GRM7: variants seen among roughly 807,000 people sequenced by gnomAD.
GRM7 encodes glutamate metabotropic receptor 7, also known as metabotropic glutamate receptor 7.
In GRM7, 35 loss-of-function variants were observed where a neutral mutation model predicts 84.5. That is an observed-to-expected ratio of 0.41 (90% CI 0.32 to 0.55). The LOEUF (loss-of-function observed/expected upper bound fraction) is 0.55, where lower values mean the gene tolerates loss of function less well. Ranked by LOEUF, GRM7 falls within the 20% of genes least tolerant of loss-of-function variation. GRM7 has a pLI of 0.19. For missense variants in GRM7, 1,003 were observed against 1,194.6 expected (o/e 0.84, Z 2.36); for synonymous variants, 487 against 455.1 (o/e 1.07, Z -0.89).
chr3:7,126,500 C>T (rs1257858446), intron 1 of GRM7, among the ~76,000 whole-genome samples: 1 of 152,088 alleles, frequency 6.6e-6, no homozygotes, highest in South Asian at 2.1e-4. Flanking sequence ...GAGTATGAAC[C>T]GGTGGTTGAA....
At chr3:7,001,965 G>T (rs1223714091) in intron 1 of GRM7, among the ~76,000 whole-genome samples, 1 of 152,144 alleles carries the variant, frequency 6.6e-6, no homozygotes, top group Non-Finnish European at 1.5e-5. Flanking sequence ...ACTTAGTGGA[G>T]ACATTTAATT....
intron 4 of GRM7, among the ~76,000 whole-genome samples, chr3:7,356,670 C>A (rs952353596): frequency 2.0e-5 from 3 of 152,012 alleles, no homozygotes; most frequent in African/African-American, 7.2e-5. Flanking sequence ...CAGCTTCTTT[C>A]CCCAGCCATC....
intron 4 of GRM7, among the ~76,000 whole-genome samples, chr3:7,412,989 C>CACAA: frequency 6.6e-6 from 1 of 151,862 alleles, no homozygotes; most frequent in South Asian, 2.1e-4. Flanking sequence ...CACTATGACA[C>CACAA]ACACACACAC....
At chr3:7,236,056 T>C (rs1471072859) in intron 2 of GRM7, among the ~76,000 whole-genome samples, 1 of 152,158 alleles carries the variant, frequency 6.6e-6, no homozygotes, top group East Asian at 1.9e-4. Context: ...GATGGTGCCT[T>C]CTTGCTGCAT....
At chr3:7,391,140 A>G (rs567956045) in intron 4 of GRM7, among the ~76,000 whole-genome samples, 2 of 152,100 alleles carry the variant, frequency 1.3e-5, no homozygotes, top group Admixed American at 1.3e-4. Context: ...GACTCTGTAC[A>G]GGTTCCTTGG....
chr3:7,123,872 C>T (rs777080644), intron 1 of GRM7, among the ~76,000 whole-genome samples: 5 of 152,142 alleles, frequency 3.3e-5, no homozygotes, highest in Admixed American at 6.5e-5. Context: ...GCTGCTTCTC[C>T]GCTCCTGAGT....
intron 9 of GRM7, among the ~76,000 whole-genome samples, chr3:7,713,795 C>CTTT (rs60007117): frequency 4.3e-4 from 28 of 64,734 alleles, no homozygotes; most frequent in South Asian, 7.9e-4. Flanking sequence ...CGGATGCTTT[C>CTTT]TTTTTTTTTT....
At chr3:7,503,549 G>A (rs1233815004) in intron 7 of GRM7, among the ~76,000 whole-genome samples, 3 of 152,166 alleles carry the variant, frequency 2.0e-5, no homozygotes, top group South Asian at 2.1e-4. Flanking sequence ...TTTTCAAATC[G>A]ATTCTGCTGA....
intron 1 of GRM7, among the ~76,000 whole-genome samples, chr3:6,913,262 A>G (rs1405204448): frequency 2.0e-5 from 3 of 152,166 alleles, no homozygotes; most frequent in African/African-American, 7.2e-5. Flanking sequence ...ATCAGTGTAA[A>G]TGGGTAGCTA....
chr3:7,594,319 C>T (rs1480832827), intron 8 of GRM7, among the ~76,000 whole-genome samples: 2 of 152,110 alleles, frequency 1.3e-5, no homozygotes, highest in African/African-American at 4.8e-5. Flanking sequence ...TTGTATTTTG[C>T]ATAGTGTGTA....
intron 2 of GRM7, among the ~76,000 whole-genome samples, chr3:7,180,876 C>G (rs991936060): frequency 6.6e-6 from 1 of 152,050 alleles, no homozygotes; most frequent in Non-Finnish European, 1.5e-5. Context: ...AGTTTGCAAC[C>G]CTTGAGTTTT....
intron 5 of GRM7, among the ~76,000 whole-genome samples, chr3:7,450,450 C>T (rs1482719773): frequency 6.6e-6 from 1 of 152,130 alleles, no homozygotes; most frequent in Non-Finnish European, 1.5e-5. Context: ...CCAAAATACT[C>T]AGGCAGAACA....
At chr3:7,666,108 TGC>T (rs1699689847) in intron 8 of GRM7, among the ~76,000 whole-genome samples, 2 of 152,206 alleles carry the variant, frequency 1.3e-5, no homozygotes, top group Non-Finnish European at 2.9e-5. Flanking sequence ...AAGAGCAGGC[TGC>T]TCTTAGGGAG....
At position 7,298,810 on chromosome 3, in the gene GRM7, A is replaced by G. The variant is rs762568224; in HGVS notation, c.863A>G (p.Asn288Ser). The G allele has an allele frequency of 5.0e-6, 8 of 1,613,708 alleles. No individual in the cohort carries two copies. In the Middle Eastern group the frequency reaches 6.6e-4, roughly 133 times the overall value. ...PNSRAVVIFA[N>S]DEDIKQILAA... ...TCCAGGGCCGTCGTGATTTTTGCCA[A>G]CGATGAGGATATAAAGTAAGAATAA... The change falls in exon 3 of 10, where the codon AAC becomes AGC. Residue 288 changes from asparagine (N) to serine (S), a missense_variant. By Grantham distance (46) the Asn-to-Ser change is conservative. This residue lies in a region of GRM7 where 910 missense variants were observed against 1,126.0 expected (regional missense o/e 0.81). Coordinates refer to ENST00000357716, the MANE Select transcript of GRM7 (RefSeq NM_000844.4).
intron 8 of GRM7, among the ~76,000 whole-genome samples, chr3:7,645,209 G>A (rs1455220713): frequency 6.6e-6 from 1 of 151,962 alleles, no homozygotes; most frequent in African/African-American, 2.4e-5. Context: ...TGAGGTAGAT[G>A]GATCAAAGAG....
rs530719943 is a variant in GRM7, at chr3:6,903,406, C to T, written c.519+41499C>T. Among the ~76,000 whole-genome samples, 507 of 152,192 alleles carry T rather than the reference C, an allele frequency of 3.3e-3. 4 individuals carry two copies. Among genetic ancestry groups the T allele is most frequent in the Non-Finnish European group, 5.5e-3 (376 of 67,970 alleles). On this transcript the variant is annotated intron_variant, in intron 1 of 9. Transcript: ENST00000357716. ...ACAAAATAGTAGTGACTACAAATCA[C>T]ATCCTAGGTCTTAATTTTTCATGAT...
At chr3:7,110,828 C>G (rs958765184) in intron 1 of GRM7, among the ~76,000 whole-genome samples, 3 of 151,914 alleles carry the variant, frequency 2.0e-5, no homozygotes, top group African/African-American at 7.3e-5. Context: ...TTGACAAGAT[C>G]TGCAGTGGAG....
At chr3:7,035,326 A>C (rs1696346891) in intron 1 of GRM7, among the ~76,000 whole-genome samples, 2 of 152,184 alleles carry the variant, frequency 1.3e-5, no homozygotes, top group South Asian at 4.1e-4. Context: ...CAGGTGATTT[A>C]GTCAGTCAGT....
chr3:7,703,229 A>G (rs1325640952), intron 9 of GRM7, among the ~76,000 whole-genome samples: 2 of 152,108 alleles, frequency 1.3e-5, no homozygotes, highest in Admixed American at 6.6e-5. Context: ...ATGTCTAGAA[A>G]CTTATTAATA....
Sources: gnomAD v4.1 joint callset for allele counts (sites outside exome capture counted in the v4.1 genomes callset) on GRCh38, gnomAD v4.1.1 for gene constraint, gnomAD v4.1.1 regional missense constraint, MANE v1.5 for transcripts, NCBI Gene and HGNC (gene_info 2026-07-23, HGNC 2026-07-21) for gene names.